The following DCBLD1 variants were observed in gnomAD, a reference collection of about 807,000 sequenced individuals.
DCBLD1 encodes discoidin, CUB and LCCL domain containing 1.
In DCBLD1, 57 loss-of-function variants were observed where a neutral mutation model predicts 71.5. The ratio of observed to expected loss-of-function variants is 0.80; its 90% CI spans 0.64 to 0.99. The LOEUF (loss-of-function observed/expected upper bound fraction) is 0.99, where lower values mean the gene tolerates loss of function less well. Ranked by LOEUF, DCBLD1 falls within the 50% of genes least tolerant of loss-of-function variation. The pLI, the probability that DCBLD1 is intolerant of heterozygous loss-of-function variation, is 0.00. For missense variants in DCBLD1, 891 were observed against 923.5 expected (o/e 0.96, Z 0.46); for synonymous variants, 380 against 363.8 (o/e 1.04, Z -0.51).
chr6:117,548,336 ACT>A lies in DCBLD1; in HGVS notation c.2049_2050del (p.Gln684GlufsTer10). 1 of 1,550,510 alleles carries A rather than the reference ACT, an allele frequency of 6.4e-7. No homozygotes were observed. Among genetic ancestry groups the A allele is most frequent in the South Asian group, 1.2e-5 (1 of 84,048 alleles). ...CTCGCCACCGAAAGCGGGCACCCTG[ACT>A]CTCAGAAGCCCCCAACGCATCCCGG... On this transcript the variant is annotated frameshift_variant, in exon 15 of 15. Coordinates refer to ENST00000338728, the MANE Select transcript of DCBLD1 (RefSeq NM_001366458.2). LOFTEE classifies it low-confidence loss of function (END_TRUNC).
At chr6:117,503,619 T>C in intron 1 of DCBLD1, 148 bp from the exon 2 acceptor site, 2 of 717,148 alleles carry the variant, frequency 2.8e-6, no homozygotes, top group Middle Eastern at 2.6e-4. Flanking sequence ...TATTGTTTAA[T>C]AATTCAGTCT....
chr6:117,557,895 C>G (rs76411108), intron 14 of DCBLD1, among the ~76,000 whole-genome samples: 5,433 of 152,338 alleles, frequency 0.036, 127 homozygotes, highest in Non-Finnish European at 0.052. Context: ...CAGCACATCT[C>G]CCATCCTGGC....
At chr6:117,484,008 T>C (rs1053094433) in intron 1 of DCBLD1, among the ~76,000 whole-genome samples, 2 of 152,214 alleles carry the variant, frequency 1.3e-5, no homozygotes, top group African/African-American at 4.8e-5. Context: ...CCCAAAACCC[T>C]AAAGTGATTT....
At chr6:117,521,661 C>G in intron 4 of DCBLD1, 85 bp downstream of exon 4, 1 of 1,166,632 alleles carries the variant, frequency 8.6e-7, no homozygotes, top group Non-Finnish European at 1.2e-6. Flanking sequence ...TACGTTTGTA[C>G]TTAAAGCTCT....
chr6:117,500,109 A>AGC (rs1777604181), intron 1 of DCBLD1, among the ~76,000 whole-genome samples: 1 of 152,194 alleles, frequency 6.6e-6, no homozygotes, highest in African/African-American at 2.4e-5. Context: ...TTCTCTCCCT[A>AGC]GCAGTTTTTC....
At chr6:117,517,805 C>T (rs1778253317) in intron 2 of DCBLD1, among the ~76,000 whole-genome samples, 1 of 152,160 alleles carries the variant, frequency 6.6e-6, no homozygotes, top group African/African-American at 2.4e-5. Flanking sequence ...CACAAGACAC[C>T]AAGTTCCTAG....
rs112045650 is a variant in DCBLD1 at position 117,539,351 on chromosome 6, A to C, written c.1073A>C (p.Tyr358Ser). The C allele has an allele frequency of 1.2e-6, 2 of 1,604,294 alleles. No individual in the cohort carries two copies. Among genetic ancestry groups the C allele is most frequent in the East Asian group, 2.2e-5 (1 of 44,778 alleles). Residue 358 changes from tyrosine (Y) to serine (S), a missense_variant, in exon 9 of 15, where the codon TAT becomes TCT. Physicochemically the swap from Tyr to Ser is moderately radical, Grantham distance 144 (BLOSUM62 -2). Transcript: ENST00000338728. ...AACAATAATTCTAAGTGGAAGACCT[A>C]TAAAGGAATTGTGAATAATGAAGAA... Reference protein sequence around the residue: ...FKNNNSKWKTYKGIVNNEEKV... With the variant: ...FKNNNSKWKTSKGIVNNEEKV...
Position 117,563,386 on chromosome 6 carries a change from TGAAA to T in DCBLD1, c.1616-6228_1616-6225del, listed in dbSNP as rs1404429590. 7.4e-6 allele frequency: 12 copies of T among 1,612,082 alleles called. No homozygotes were observed. The Admixed American group carries it at 2.0e-4, about 27-fold the overall frequency. ...CAGTTACTGCCTTCTTATTAAATCC[TGAAA>T]GAAAGGAGAAAAAAAAAGCAGACAC... On this transcript the variant is annotated intron_variant, in intron 14 of 14. Transcript: ENST00000296955.
At chr6:117,568,046 A>C (rs528582539) in intron 14 of DCBLD1, among the ~76,000 whole-genome samples, 148 of 151,088 alleles carry the variant, frequency 9.8e-4, no homozygotes, top group African/African-American at 3.5e-3. Flanking sequence ...AAAAAAAAAA[A>C]AAATTAGCTG....
intron 14 of DCBLD1, among the ~76,000 whole-genome samples, chr6:117,547,172 T>C (rs941505615): frequency 6.6e-6 from 1 of 152,200 alleles, no homozygotes; most frequent in Non-Finnish European, 1.5e-5. Context: ...TCGTTTCCCA[T>C]AGAATTAAAC....
intron 6 of DCBLD1, among the ~76,000 whole-genome samples, chr6:117,535,831 G>A (rs2114534367): frequency 6.6e-6 from 1 of 152,296 alleles, no homozygotes; most frequent in Admixed American, 6.5e-5. Context: ...ATTTTAATAT[G>A]ATTAGCGCCT....
At chr6:117,513,251 T>G (rs1778081744) in intron 2 of DCBLD1, among the ~76,000 whole-genome samples, 1 of 152,196 alleles carries the variant, frequency 6.6e-6, no homozygotes. Context: ...ATAAAGGGTT[T>G]CCCTTGCAGC....
chr6:117,545,385 C>A (rs1024983021), intron 13 of DCBLD1, 93 bp from the exon 14 acceptor site: 3 of 1,530,714 alleles, frequency 2.0e-6, no homozygotes, highest in Non-Finnish European at 2.7e-6. Flanking sequence ...TGTCAGGAGG[C>A]AGCCTGACCT....
intron 6 of DCBLD1, among the ~76,000 whole-genome samples, chr6:117,533,806 A>G (rs1778799637): frequency 6.6e-6 from 1 of 152,132 alleles, no homozygotes; most frequent in Non-Finnish European, 1.5e-5. Context: ...GGCCATCAGC[A>G]CACCATGCTC....
chr6:117,514,991 T>C (rs1778143256), intron 2 of DCBLD1, among the ~76,000 whole-genome samples: 1 of 151,728 alleles, frequency 6.6e-6, no homozygotes, highest in African/African-American at 2.4e-5. Flanking sequence ...TGATAATCAA[T>C]TTAGACTTGC....
intron 1 of DCBLD1, 63 bp downstream of exon 1, chr6:117,482,956 G>C (rs941404600): frequency 6.5e-6 from 4 of 619,600 alleles, no homozygotes; most frequent in Non-Finnish European, 5.8e-6. Context: ...TGAGGGCTGC[G>C]GGGCGGGCCG....
intron 1 of DCBLD1, among the ~76,000 whole-genome samples, chr6:117,493,716 C>T (rs911401910): frequency 3.3e-5 from 5 of 152,166 alleles, no homozygotes; most frequent in African/African-American, 9.6e-5. Flanking sequence ...TCCATTCCAT[C>T]GTCTTTGAGG....
intron 14 of DCBLD1, among the ~76,000 whole-genome samples, chr6:117,559,179 A>G (rs210632): frequency 0.81 from 123,025 of 152,182 alleles, 50,387 homozygotes; most frequent in African/African-American, 0.95. Flanking sequence ...ACTTGTGTTA[A>G]TCTAGCCTCT....
At chr6:117,565,678 C>T (rs1244669211) in intron 14 of DCBLD1, among the ~76,000 whole-genome samples, 2 of 152,124 alleles carry the variant, frequency 1.3e-5, no homozygotes, top group African/African-American at 4.8e-5. Context: ...TGGTGATCAA[C>T]GTATGTTTTA....
Sources: allele counts gnomAD v4.1 joint callset (sites outside exome capture counted in the v4.1 genomes callset), GRCh38; gene constraint gnomAD v4.1.1; transcripts MANE v1.5; gene names NCBI Gene and HGNC (gene_info 2026-07-23, HGNC 2026-07-21).